Variants in PCDH17 observed in about 807,000 individuals in gnomAD.
The protein encoded by PCDH17 is protocadherin-17.
In PCDH17, 21 loss-of-function variants were observed where a neutral mutation model predicts 67.7. That is an observed-to-expected ratio of 0.31 (90% CI 0.22 to 0.45). PCDH17 has a LOEUF of 0.45. Among genes scored for constraint, PCDH17 ranks in the 20% least tolerant of loss-of-function variants. The pLI is 1.00. For missense variants in PCDH17, 1,471 were observed against 1,564.8 expected, an observed-to-expected ratio of 0.94 and a Z score of 1.01; for synonymous variants, 701 against 656.7, an observed-to-expected ratio of 1.07 and a Z score of -1.03.
intron 3 of PCDH17, among the ~76,000 whole-genome samples, chr13:57,694,833 C>T (rs1226285686): frequency 6.6e-6 from 1 of 150,992 alleles, no homozygotes; most frequent in African/African-American, 2.4e-5. Flanking sequence ...CGTATGTAGG[C>T]CATTGCCACA....
chr13:57,665,972 A>G (rs1955248241), intron 1 of PCDH17, among the ~76,000 whole-genome samples: 1 of 152,176 alleles, frequency 6.6e-6, no homozygotes, highest in Non-Finnish European at 1.5e-5. Context: ...GCTTGTATCC[A>G]TTACTGGCAA....
chr13:57,654,554 T>C (rs1269093785), intron 1 of PCDH17, among the ~76,000 whole-genome samples: 2 of 152,080 alleles, frequency 1.3e-5, no homozygotes, highest in South Asian at 2.1e-4. Flanking sequence ...TTAAGTAAGA[T>C]TGCTTGTTTC....
intron 1 of PCDH17, among the ~76,000 whole-genome samples, chr13:57,656,688 A>G (rs1426874885): frequency 6.6e-6 from 1 of 152,190 alleles, no homozygotes. Context: ...GTCTCCAGAG[A>G]TAAGTCTGGC....
At chr13:57,686,109 T>C (rs1395104096) in intron 3 of PCDH17, among the ~76,000 whole-genome samples, 7 of 151,462 alleles carry the variant, frequency 4.6e-5, no homozygotes, top group Non-Finnish European at 1.0e-4. Flanking sequence ...AAGTGTTGAA[T>C]TGAGCTAGTA....
chr13:57,721,014 A>G (rs917320442), intron 3 of PCDH17, among the ~76,000 whole-genome samples: 1 of 152,120 alleles, frequency 6.6e-6, no homozygotes, highest in Non-Finnish European at 1.5e-5. Flanking sequence ...ATGCTTTTAA[A>G]AGATTAGACA....
rs767023980 is a variant in PCDH17 at position 57,724,914 on chromosome 13, T to C, written c.3100T>C (p.Ser1034Pro). The change falls in exon 4 of 4, where the codon TCA becomes CCA. Residue 1034 changes from serine to proline, a missense_variant. Ser to Pro is a moderately conservative substitution (Grantham distance 74). Coordinates refer to ENST00000377918, the MANE Select transcript of PCDH17 (RefSeq NM_001040429.3). Reference sequence around the variant, plus strand: ...GAGCCCTCTCCTCCAAGAGGTCCCCTCAGCATCAAGCAGCCCAACCAAGGC... The same window carrying C: ...GAGCCCTCTCCTCCAAGAGGTCCCCCCAGCATCAAGCAGCCCAACCAAGGC... The part of the protein sequence containing the change: ...ALSPLLQEVP[S>P]ASSSPTKACI... The C allele has an allele frequency of 6.2e-7, 1 of 1,614,094 alleles. No individual in the cohort carries two copies. The highest frequency in any genetic ancestry group is 1.1e-5 in the South Asian group (1 of 91,082).
At position 57,725,537 on chromosome 13, in the gene PCDH17, A is replaced by G. The variant is rs1004071803; in HGVS notation, c.*243A>G. The stretch of plus-strand genomic sequence containing the variant: ...GACAGAATTAATGATGCTTAAAGAG[A>G]AAAGAAAAAAAGAGAGAAGAAAAAG... On this transcript the variant is annotated 3_prime_UTR_variant, in exon 4 of 4. Coordinates refer to ENST00000377918, the MANE Select transcript of PCDH17 (RefSeq NM_001040429.3). 14 of 413,134 alleles carry G rather than the reference A, an allele frequency of 3.4e-5. No individual in the cohort carries two copies. The highest frequency in any genetic ancestry group is 1.6e-4 in the Admixed American group (4 of 24,844). 25.6% of individuals were successfully genotyped at this position (413,134 alleles called of 1,614,324 possible). A position where few individuals can be genotyped will look rare whatever the true frequency, so the allele number is the denominator to read the frequency against.
chr13:57,634,734 T>C lies in PCDH17; in HGVS notation c.2188T>C (p.Cys730Arg). The C allele has an allele frequency of 1.2e-6, 2 of 1,613,832 alleles. No individual in the cohort carries two copies. The highest frequency in any genetic ancestry group is 8.5e-7 in the Non-Finnish European group (1 of 1,179,992). ...GGCCATGATCACCATCGCCGTCAAG[T>C]GCAAGCGCGAGAACAAGGAGATCCG... ...LAAMITIAVK[C>R]KRENKEIRTY... The change falls in exon 1 of 4, where the codon TGC (cysteine) becomes CGC (arginine). Residue 730 changes from cysteine (C) to arginine (R), a missense_variant. This residue lies in a region of PCDH17 where 1,163 missense variants were observed against 1,230.0 expected (regional missense o/e 0.95). Coordinates refer to ENST00000377918, the MANE Select transcript of PCDH17 (RefSeq NM_001040429.3). This position sits in a 1 kb window ranked among gnomAD's most constrained non-coding sequence, Gnocchi z 7.8.
At chr13:57,643,472 G>C (rs1257057989) in intron 1 of PCDH17, among the ~76,000 whole-genome samples, 1 of 151,392 alleles carries the variant, frequency 6.6e-6, no homozygotes, top group Non-Finnish European at 1.5e-5. Flanking sequence ...AGTTCTGTCA[G>C]CAAAACAAAA....
chr13:57,667,601 T>C (rs1377458602), intron 3 of PCDH17, among the ~76,000 whole-genome samples: 8 of 151,840 alleles, frequency 5.3e-5, no homozygotes, highest in Non-Finnish European at 1.2e-4. Flanking sequence ...GTAGTTGATA[T>C]AGTAACAGTC....
intron 3 of PCDH17, among the ~76,000 whole-genome samples, chr13:57,704,933 TG>T (rs901837492): frequency 1.3e-5 from 2 of 152,068 alleles, no homozygotes; most frequent in African/African-American, 2.4e-5. Flanking sequence ...TATATGTGTA[TG>T]TATATATGTA....
chr13:57,677,851 A>G (rs1481241002), intron 3 of PCDH17, among the ~76,000 whole-genome samples: 2 of 151,810 alleles, frequency 1.3e-5, no homozygotes, highest in Non-Finnish European at 2.9e-5. Flanking sequence ...AAAAATACTG[A>G]TCTCATAGAA....
intron 3 of PCDH17, among the ~76,000 whole-genome samples, chr13:57,695,743 C>G (rs1406725973): frequency 6.6e-6 from 1 of 151,346 alleles, no homozygotes; most frequent in East Asian, 1.9e-4. Flanking sequence ...CACGTCTCTA[C>G]TTTATATTCA....
Position 57,645,391 on chromosome 13 carries a change from C to T in PCDH17, c.2565+10280C>T, listed in dbSNP as rs143094907. 4.0e-3 allele frequency among the ~76,000 whole-genome samples: 603 copies of T among 151,532 alleles called. 2 individuals are homozygous for T. Among genetic ancestry groups the T allele is most frequent in the Non-Finnish European group, 6.1e-3 (411 of 67,614 alleles). ...GAGACTTCTATAGTTAAGTCATTTT[C>T]GACAATCACCCATCAGATACATGCT... On this transcript the variant is annotated intron_variant, in intron 1 of 3. Transcript: ENST00000377918.
intron 1 of PCDH17, among the ~76,000 whole-genome samples, chr13:57,645,394 C>T (rs1954952673): frequency 6.6e-6 from 1 of 151,524 alleles, no homozygotes; most frequent in Non-Finnish European, 1.5e-5. Context: ...TCATTTTCGA[C>T]AATCACCCAT....
chr13:57,633,091 A>G lies in PCDH17; in HGVS notation c.545A>G (p.Asp182Gly). The G allele has an allele frequency of 1.2e-6, 2 of 1,613,368 alleles. No individual in the cohort carries two copies. Among genetic ancestry groups the G allele is most frequent in the Non-Finnish European group, 1.7e-6 (2 of 1,179,938 alleles). ...TRDDHGLFGL[D>G]VKSRGDGTKF... ...GACGATCACGGCCTCTTTGGACTGG[A>G]CGTTAAGTCCCGCGGCGACGGCACC... The change falls in exon 1 of 4, where the codon GAC (aspartate) becomes GGC (glycine). Residue 182 changes from aspartate to glycine, a missense_variant. Transcript: ENST00000377918. This position sits in a 1 kb window ranked among gnomAD's most constrained non-coding sequence, Gnocchi z 6.2.
At chr13:57,714,782 G>T (rs1566246134) in intron 3 of PCDH17, among the ~76,000 whole-genome samples, 1 of 151,592 alleles carries the variant, frequency 6.6e-6, no homozygotes, top group Non-Finnish European at 1.5e-5. Context: ...ATAGCTGTTG[G>T]CTAAAGTGTA....
chr13:57,677,286 T>C (rs1442846445), intron 3 of PCDH17, among the ~76,000 whole-genome samples: 11 of 151,836 alleles, frequency 7.2e-5, no homozygotes, highest in Non-Finnish European at 1.6e-4. Context: ...ATTGAAAATA[T>C]AGTAAAATGT....
chr13:57,678,026 T>C (rs1955411836), intron 3 of PCDH17, among the ~76,000 whole-genome samples: 1 of 151,732 alleles, frequency 6.6e-6, no homozygotes, highest in African/African-American at 2.4e-5. Flanking sequence ...TATGTTGTTT[T>C]CTTGAAGAAT....
Sources: allele counts gnomAD v4.1 joint callset (sites outside exome capture counted in the v4.1 genomes callset), GRCh38; gene constraint gnomAD v4.1.1; regional missense constraint gnomAD v4.1.1; non-coding constraint Gnocchi (gnomAD v3.1); transcripts MANE v1.5; gene names NCBI Gene and HGNC (gene_info 2026-07-23, HGNC 2026-07-21).